Variants in SPOCK1 observed in about 807,000 individuals in gnomAD.
SPOCK1 encodes the protein SPARC (osteonectin), cwcv and kazal like domains proteoglycan 1.
In SPOCK1, 23 loss-of-function variants were observed where a neutral mutation model predicts 55.3. The ratio of observed to expected loss-of-function variants is 0.42; its 90% CI spans 0.30 to 0.59. SPOCK1 has a LOEUF of 0.59. Ranked by LOEUF, SPOCK1 falls within the 20% of genes least tolerant of loss-of-function variation. The pLI is 0.22. For synonymous variants in SPOCK1, 226 were observed against 221.0 expected, an observed-to-expected ratio of 1.02 and a Z score of -0.20; for missense variants, 499 against 552.5, an observed-to-expected ratio of 0.90 and a Z score of 0.97.
At chr5:137,124,825 T>G (rs1382583753) in intron 4 of SPOCK1, among the ~76,000 whole-genome samples, 1 of 152,156 alleles carries the variant, frequency 6.6e-6, no homozygotes, top group Non-Finnish European at 1.5e-5. Flanking sequence ...TGTAGTCACT[T>G]TGCACAAAGA....
chr5:137,147,284 T>C (rs1307457569), intron 3 of SPOCK1, among the ~76,000 whole-genome samples: 1 of 152,198 alleles, frequency 6.6e-6, no homozygotes, highest in Non-Finnish European at 1.5e-5. Context: ...AGAAACATCC[T>C]ATGACCCAGC....
At chr5:137,026,881 A>G (rs1458888850) in intron 6 of SPOCK1, among the ~76,000 whole-genome samples, 1 of 152,216 alleles carries the variant, frequency 6.6e-6, no homozygotes, top group Non-Finnish European at 1.5e-5. Flanking sequence ...TTTGATAAAT[A>G]TTTATTGAAT....
intron 2 of SPOCK1, among the ~76,000 whole-genome samples, chr5:137,431,817 T>C (rs1034667969): frequency 5.9e-5 from 9 of 152,216 alleles, no homozygotes; most frequent in African/African-American, 2.2e-4. Context: ...GGCCATGCCA[T>C]TGAACTTCCC....
intron 3 of SPOCK1, among the ~76,000 whole-genome samples, chr5:137,160,557 T>A (rs11747204): frequency 1.9e-4 from 11 of 58,296 alleles, no homozygotes; most frequent in Non-Finnish European, 2.9e-4. Flanking sequence ...ATAATATATA[T>A]TATATATTAT....
intron 3 of SPOCK1, among the ~76,000 whole-genome samples, chr5:137,175,635 C>G (rs1439348458): frequency 1.3e-5 from 2 of 152,174 alleles, no homozygotes; most frequent in Admixed American, 1.3e-4. Flanking sequence ...AGTTACTTGG[C>G]TTTACTTGAC....
At chr5:137,121,677 AT>A (rs1348630089) in intron 4 of SPOCK1, among the ~76,000 whole-genome samples, 2 of 146,618 alleles carry the variant, frequency 1.4e-5, no homozygotes, top group East Asian at 3.9e-4. Flanking sequence ...AAAATTATAT[AT>A]TATATATTTG....
chr5:137,152,350 G>A (rs1168350458), intron 3 of SPOCK1, among the ~76,000 whole-genome samples: 1 of 152,150 alleles, frequency 6.6e-6, no homozygotes, highest in Non-Finnish European at 1.5e-5. Context: ...CCACTCAATG[G>A]CTAATTACTT....
intron 9 of SPOCK1, among the ~76,000 whole-genome samples, chr5:136,982,603 A>G (rs1273727565): frequency 6.6e-6 from 1 of 151,310 alleles, no homozygotes; most frequent in Non-Finnish European, 1.5e-5. Context: ...GTTAATCTAT[A>G]CAGATTTTTT....
intron 6 of SPOCK1, among the ~76,000 whole-genome samples, chr5:137,049,258 C>T (rs1386288899): frequency 9.0e-6 from 1 of 110,902 alleles, no homozygotes; most frequent in East Asian, 3.1e-4. Flanking sequence ...TTCCATTCTC[C>T]ACATCACTTT....
intron 2 of SPOCK1, among the ~76,000 whole-genome samples, chr5:137,278,880 TCCCCAGATAGTAGTCCTAA>T (rs989622579): frequency 5.9e-5 from 9 of 151,766 alleles, no homozygotes; most frequent in Admixed American, 4.6e-4. Context: ...TGCACATGAG[TCCCCAGATAGTAGTCCTAA>T]CCCCACTATT....
intron 2 of SPOCK1, among the ~76,000 whole-genome samples, chr5:137,475,541 A>G (rs1423598853): frequency 6.6e-6 from 1 of 152,050 alleles, no homozygotes; most frequent in Non-Finnish European, 1.5e-5. Context: ...TGAAAACATG[A>G]GATAATTAAT....
intron 5 of SPOCK1, among the ~76,000 whole-genome samples, chr5:137,082,069 C>T (rs949445024): frequency 2.0e-5 from 3 of 152,322 alleles, no homozygotes; most frequent in African/African-American, 4.8e-5. Flanking sequence ...TTCTGCCCTG[C>T]GAGGCAAGTT....
At chr5:136,989,260 T>G (rs1191688186) in intron 7 of SPOCK1, among the ~76,000 whole-genome samples, 1 of 152,228 alleles carries the variant, frequency 6.6e-6, no homozygotes, top group Non-Finnish European at 1.5e-5. Flanking sequence ...TTCTTTCTTA[T>G]TTCCCTGGGG....
intron 3 of SPOCK1, among the ~76,000 whole-genome samples, chr5:137,209,858 A>G (rs1014500931): frequency 2.0e-5 from 3 of 152,190 alleles, no homozygotes; most frequent in Non-Finnish European, 4.4e-5. Context: ...AGAAAAATAA[A>G]CTTTCTCAAA....
chr5:137,461,105 G>A (rs538960521), intron 2 of SPOCK1, among the ~76,000 whole-genome samples: 18 of 152,266 alleles, frequency 1.2e-4, no homozygotes, highest in South Asian at 4.2e-4. Flanking sequence ...CCAGGAGAGC[G>A]GGGACCTCTT....
rs146460802 is a variant in SPOCK1, at chr5:137,207,552, T to C, written c.232+59458A>G. Among the ~76,000 whole-genome samples, 542 of 152,322 alleles carry C rather than the reference T, an allele frequency of 3.6e-3. 5 individuals carry two copies. Among genetic ancestry groups the C allele is most frequent in the African/African-American group, 0.012 (496 of 41,556 alleles). On this transcript the variant is annotated intron_variant, in intron 3 of 10. Coordinates refer to ENST00000394945, the MANE Select transcript of SPOCK1 (RefSeq NM_004598.4). The stretch of plus-strand genomic sequence containing the variant: ...AATAGGTCCCCTGGGTTGCCTCCTC[T>C]GCCAGTGTGAGATGGTAAATGGAGA...
At chr5:137,233,524 C>T (rs966654283) in intron 3 of SPOCK1, among the ~76,000 whole-genome samples, 11 of 152,034 alleles carry the variant, frequency 7.2e-5, no homozygotes, top group African/African-American at 2.4e-4. Flanking sequence ...GCTCACCTGT[C>T]GCTCACCTCC....
chr5:137,200,901 A>G (rs1174576111), intron 3 of SPOCK1, among the ~76,000 whole-genome samples: 1 of 152,210 alleles, frequency 6.6e-6, no homozygotes, highest in Non-Finnish European at 1.5e-5. Flanking sequence ...TCTTCTGTTA[A>G]TGACACTGTG....
chr5:137,372,827 G>A (rs569678414), intron 2 of SPOCK1, among the ~76,000 whole-genome samples: 26 of 152,314 alleles, frequency 1.7e-4, no homozygotes, highest in Non-Finnish European at 3.4e-4. Context: ...GGAGGTGAGC[G>A]GCCACTCTCC....
Sources: gnomAD v4.1 joint callset for allele counts (sites outside exome capture counted in the v4.1 genomes callset) on GRCh38, gnomAD v4.1.1 for gene constraint, MANE v1.5 for transcripts, NCBI Gene and HGNC (gene_info 2026-07-23, HGNC 2026-07-21) for gene names.